DENND3: variants seen among roughly 807,000 people sequenced by gnomAD.
DENND3 encodes the protein DENN domain-containing protein 3.
DENND3 carries 88 observed loss-of-function variants against 135.1 expected under a neutral mutation model. The observed-to-expected ratio is 0.65, with a 90% CI of 0.55 to 0.78. The LOEUF (loss-of-function observed/expected upper bound fraction) is 0.78, where lower values mean the gene tolerates loss of function less well. DENND3 is among the 30% of genes least tolerant of loss of function. The pLI, the probability that DENND3 is intolerant of heterozygous loss-of-function variation, is 0.00. For synonymous variants in DENND3, 693 were observed against 712.3 expected, an observed-to-expected ratio of 0.97 and a Z score of 0.43; for missense variants, 1,392 against 1,688.4, an observed-to-expected ratio of 0.82 and a Z score of 3.08.
intron 19 of DENND3, 48 bp downstream of exon 19, chr8:141,189,194 G>T (rs750820930): frequency 6.2e-7 from 1 of 1,612,654 alleles, no homozygotes; most frequent in South Asian, 1.1e-5. Flanking sequence ...CTTGTGGGTG[G>T]GCAGAAGGCA....
At chr8:141,170,428 A>AGTGTGCGT in intron 13 of DENND3, among the ~76,000 whole-genome samples, 1 of 152,004 alleles carries the variant, frequency 6.6e-6, no homozygotes, top group South Asian at 2.1e-4. Flanking sequence ...TATGTGTGCG[A>AGTGTGCGT]GTGTGCGTGT....
rs200483312 is a variant in DENND3, at chr8:141,190,348, A to G, written c.3310A>G (p.Thr1104Ala). 6.2e-7 allele frequency: 1 copy of G among 1,612,926 alleles called. No homozygotes were observed. Among genetic ancestry groups the G allele is most frequent in the Admixed American group, 1.7e-5 (1 of 59,946 alleles). The change falls in exon 20 of 23, where the codon ACC becomes GCC. Residue 1104 changes from threonine to alanine, a missense_variant. Thr to Ala is a moderately conservative substitution (Grantham distance 58, BLOSUM62 0). Coordinates refer to ENST00000519811, the MANE Select transcript of DENND3 (RefSeq NM_001352890.3). ...LVWNVSTLQV[T>A]SRFQLPRGGL... Reference sequence around the variant, plus strand: ...GTGGAATGTGAGCACACTGCAGGTGACCAGCCGCTTCCAGCTGCCGCGAGG... The same window carrying G: ...GTGGAATGTGAGCACACTGCAGGTGGCCAGCCGCTTCCAGCTGCCGCGAGG...
chr8:141,187,434 A>G (rs1172917259), intron 18 of DENND3, among the ~76,000 whole-genome samples: 1 of 152,112 alleles, frequency 6.6e-6, no homozygotes, highest in Non-Finnish European at 1.5e-5. Context: ...CGTGCTGCTC[A>G]GGCTGGTCTC....
At chr8:141,191,991 G>A in intron 20 of DENND3, 1 of 210,162 alleles carries the variant, frequency 4.8e-6, no homozygotes, top group Non-Finnish European at 9.6e-6. Flanking sequence ...CATGGATAGG[G>A]TAAGAAGCTT....
Position 141,194,059 on chromosome 8 carries a change from G to A in DENND3, c.3663G>A (p.Gly1221=), listed in dbSNP as rs939796347. 2.5e-6 allele frequency: 4 copies of A among 1,613,696 alleles called. No homozygotes were observed. The African/African-American group carries it at 4.0e-5, about 16-fold the overall frequency. Residue 1221 remains glycine, a synonymous_variant, in exon 23 of 23, where the codon GGG becomes GGA. Coordinates refer to ENST00000519811, the MANE Select transcript of DENND3 (RefSeq NM_001352890.3). The stretch of plus-strand genomic sequence containing the variant: ...TCTGGGTGGGCAGCCGAGGGCTGGG[G>A]CAGGGAACACCCAAGGGGAAAATCT... ...KQVWVGSRGL[G]QGTPKGKIYV... is the part of the protein sequence containing the mutation.
intron 8 of DENND3, among the ~76,000 whole-genome samples, chr8:141,156,647 C>G (rs897578969): frequency 6.6e-6 from 1 of 152,126 alleles, no homozygotes; most frequent in African/African-American, 2.4e-5. Context: ...TGCCTGTGTA[C>G]TAATGACAGG....
Position 141,166,259 on chromosome 8 carries a change from C to A in DENND3, c.1623C>A (p.His541Gln). ...AAAGAGCCTCCCGGAAGTCCTCGCA[C>A]CTGCATGTCACCCACAGGCGCATGG... ...VEKRASRKSSHLHVTHRRMVV... is the reference protein window; with the variant it reads ...VEKRASRKSSQLHVTHRRMVV... Residue 541 changes from histidine to glutamine, a missense_variant, in exon 12 of 23, where the codon CAC becomes CAA. By Grantham distance (24) the His-to-Gln change is conservative. Coordinates refer to ENST00000519811, the MANE Select transcript of DENND3 (RefSeq NM_001352890.3). This position sits in a 1 kb window ranked among gnomAD's most constrained non-coding sequence, Gnocchi z 4.3. The A allele has an allele frequency of 1.2e-6, 2 of 1,614,164 alleles. No homozygotes were observed. The highest frequency in any genetic ancestry group is 1.7e-6 in the Non-Finnish European group (2 of 1,180,044).
chr8:141,140,193 G>A (rs910763701), intron 3 of DENND3, among the ~76,000 whole-genome samples: 2 of 152,166 alleles, frequency 1.3e-5, no homozygotes, highest in African/African-American at 2.4e-5. Flanking sequence ...TGAGCTACAT[G>A]TCCAGCCCCC....
chr8:141,144,353 T>G lies in DENND3; in HGVS notation c.735+94T>G. On this transcript the variant is annotated intron_variant, in intron 5 of 22. Transcript: ENST00000519811. This position sits in a 1 kb window ranked among gnomAD's most constrained non-coding sequence, Gnocchi z 4.4. ...TAAATGCTCACAACTATTTCTGAAG[T>G]TCTAGCTGTTGTAAACCTAAAATAA... 8.4e-7 allele frequency: 1 copy of G among 1,186,916 alleles called. No individual in the cohort carries two copies. Among genetic ancestry groups the G allele is most frequent in the South Asian group, 1.5e-5 (1 of 65,570 alleles). 73.5% of individuals were successfully genotyped at this position (1,186,916 alleles called of 1,614,324 possible). A position where few individuals can be genotyped will look rare whatever the true frequency, so the allele number is the denominator to read the frequency against.
At chr8:141,193,302 C>T (rs1825022110) in intron 22 of DENND3, 2 of 149,694 alleles carry the variant, frequency 1.3e-5, no homozygotes. Context: ...GTTCCACATG[C>T]AAAATACACC....
intron 18 of DENND3, among the ~76,000 whole-genome samples, chr8:141,187,301 CTGGAG>C (rs1824021744): frequency 6.6e-6 from 1 of 151,196 alleles, no homozygotes; most frequent in African/African-American, 2.4e-5. Context: ...TTGCCCGTGG[CTGGAG>C]TGTAGTGGCA....
At chr8:141,136,035 C>T (rs1816748374) in intron 1 of DENND3, among the ~76,000 whole-genome samples, 1 of 152,212 alleles carries the variant, frequency 6.6e-6, no homozygotes, top group African/African-American at 2.4e-5. Context: ...AGCCTGCCCC[C>T]ACCCAGGGAG....
rs1815532763 is a variant in DENND3 at position 141,128,922 on chromosome 8, G to A, written c.102+113G>A. 2 of 792,842 alleles carry A rather than the reference G, an allele frequency of 2.5e-6. No homozygotes were observed. The highest frequency in any genetic ancestry group is 3.5e-6 in the Non-Finnish European group (2 of 566,016). The allele number at this position is 792,842 out of a possible 1,614,324, so 49.1% of individuals were successfully genotyped here. On this transcript the variant is annotated intron_variant, in intron 1 of 22. Coordinates refer to ENST00000519811, the MANE Select transcript of DENND3 (RefSeq NM_001352890.3). This position sits in a 1 kb window ranked among gnomAD's most constrained non-coding sequence, Gnocchi z 4.5. Reference sequence around the variant, plus strand: ...GGTTGGCGCGGACTTTCCGAGGGCTGAGTCCCGGTCCCCCGGCGGTGACCC... The same window carrying A: ...GGTTGGCGCGGACTTTCCGAGGGCTAAGTCCCGGTCCCCCGGCGGTGACCC...
At position 141,136,168 on chromosome 8, in the gene DENND3, C is replaced by A. The variant is rs573289767; in HGVS notation, c.103-341C>A. On this transcript the variant is annotated intron_variant, in intron 1 of 22. Coordinates refer to ENST00000519811, the MANE Select transcript of DENND3 (RefSeq NM_001352890.3). ...AAGCTTGGAGGGACAAAGAAGCTTGCTGTCAGGAGGTGGAGGCACAGCCAG... is the reference window on the plus strand; with the variant it reads ...AAGCTTGGAGGGACAAAGAAGCTTGATGTCAGGAGGTGGAGGCACAGCCAG... Among the ~76,000 whole-genome samples, 113 of 152,330 alleles carry A rather than the reference C, an allele frequency of 7.4e-4. 1 individual carries two copies. The highest frequency in any genetic ancestry group is 5.2e-3 in the South Asian group (25 of 4,832).
chr8:141,192,941 G>T, intron 22 of DENND3: 1 of 1,361,584 alleles, frequency 7.3e-7, no homozygotes, highest in African/African-American at 1.5e-5. Context: ...TCTCGACGCT[G>T]GAGGTCCAAA....
rs1229008383 is a variant in DENND3 at position 141,192,317 on chromosome 8, C to G, written c.3380-14C>G. 5.0e-6 allele frequency: 8 copies of G among 1,613,608 alleles called. No homozygotes were observed. Among genetic ancestry groups the G allele is most frequent in the Non-Finnish European group, 8.5e-7 (1 of 1,179,912 alleles). On this transcript the variant is annotated splice_polypyrimidine_tract_variant and intron_variant, in intron 20 of 22. Coordinates refer to ENST00000519811, the MANE Select transcript of DENND3 (RefSeq NM_001352890.3). ...GACACTGCCTGGCCCCATCCTAGCT[C>G]CTTCCTTCCACAGGCACAGGTAACA...
At chr8:141,142,114 T>C (rs1817534083) in intron 4 of DENND3, 1 of 307,468 alleles carries the variant, frequency 3.3e-6, no homozygotes, top group Non-Finnish European at 6.4e-6. Flanking sequence ...TAAAGAACTT[T>C]TGAAAAATCA....
Position 141,146,832 on chromosome 8 carries a change from T to C in DENND3, c.735+2573T>C, listed in dbSNP as rs1206824322. 1.3e-5 allele frequency among the ~76,000 whole-genome samples: 2 copies of C among 152,158 alleles called. No homozygotes were observed. The highest frequency in any genetic ancestry group is 1.5e-5 in the Non-Finnish European group (1 of 68,030). ...TATGTGGATAGTTGGCATTTTCTTG[T>C]CAACAGTATGTGCAGTGAAATCATC... On this transcript the variant is annotated intron_variant, in intron 5 of 22. Coordinates refer to ENST00000519811, the MANE Select transcript of DENND3 (RefSeq NM_001352890.3). The surrounding 1 kb of genome is among the most constrained non-coding windows in gnomAD (Gnocchi z 4.3).
At chr8:141,149,139 A>G (rs184033432) in intron 5 of DENND3, among the ~76,000 whole-genome samples, 9 of 152,150 alleles carry the variant, frequency 5.9e-5, no homozygotes, top group Admixed American at 5.9e-4. Flanking sequence ...TGAACTCCTG[A>G]CCTCAGGTGA....
Sources: allele counts gnomAD v4.1 joint callset (sites outside exome capture counted in the v4.1 genomes callset), GRCh38; gene constraint gnomAD v4.1.1; non-coding constraint Gnocchi (gnomAD v3.1); transcripts MANE v1.5; gene names NCBI Gene and HGNC (gene_info 2026-07-23, HGNC 2026-07-21).